The following PCDHGA10 variants were observed in gnomAD, a reference collection of about 807,000 sequenced individuals.
PCDHGA10 encodes protocadherin gamma subfamily A, 10.
A neutral mutation model predicts 59.5 loss-of-function variants in PCDHGA10; 42 were observed. That is an observed-to-expected ratio of 0.71 (90% CI 0.55 to 0.91). The LOEUF (loss-of-function observed/expected upper bound fraction) is 0.91, where lower values mean the gene tolerates loss of function less well. Among genes scored for constraint, PCDHGA10 ranks in the 40% least tolerant of loss-of-function variants. The pLI is 0.00. For synonymous variants in PCDHGA10, 511 were observed against 517.2 expected, an observed-to-expected ratio of 0.99 and a Z score of 0.16; for missense variants, 1,111 against 1,198.2, an observed-to-expected ratio of 0.93 and a Z score of 1.07.
At chr5:141,421,960 C>G in intron 1 of PCDHGA10, 3 of 1,612,526 alleles carry the variant, frequency 1.9e-6, no homozygotes, top group Non-Finnish European at 2.5e-6. Context: ...AATGTTTACA[C>G]AGTCCGTATA....
chr5:141,448,945 A>G (rs1288079348), intron 1 of PCDHGA10, among the ~76,000 whole-genome samples: 1 of 151,716 alleles, frequency 6.6e-6, no homozygotes, highest in Non-Finnish European at 1.5e-5. Context: ...ACTGCAACTC[A>G]AAAAAACAAA....
At position 141,431,368 on chromosome 5, in the gene PCDHGA10, A is replaced by G; in HGVS notation, c.2436+15757A>G. On this transcript the variant is annotated intron_variant, in intron 1 of 3. Coordinates refer to ENST00000398610, the MANE Select transcript of PCDHGA10 (RefSeq NM_018913.3). The surrounding 1 kb of genome is among the most constrained non-coding windows in gnomAD (Gnocchi z 4.8). ...TGCTGAAACGCGCCCTGGACCGCGA[A>G]GAAAAGGCTGCTCACCACCTGGTCC... 1.9e-6 allele frequency: 3 copies of G among 1,614,002 alleles called. No individual in the cohort carries two copies. The highest frequency in any genetic ancestry group is 2.5e-6 in the Non-Finnish European group (3 of 1,180,034).
intron 2 of PCDHGA10, among the ~76,000 whole-genome samples, chr5:141,500,310 G>A (rs1327269551): frequency 6.6e-6 from 1 of 151,740 alleles, no homozygotes; most frequent in Non-Finnish European, 1.5e-5. Flanking sequence ...CCAGGTTCAC[G>A]CCATGCTCCT....
chr5:141,510,141 T>C (rs1596266322), intron 3 of PCDHGA10, among the ~76,000 whole-genome samples: 1 of 152,014 alleles, frequency 6.6e-6, no homozygotes. Flanking sequence ...GGGCTAGTGG[T>C]GTGCACCTGT....
At position 141,486,464 on chromosome 5, in the gene PCDHGA10, G is replaced by A; in HGVS notation, c.2437-8343G>A. The A allele has an allele frequency of 1.2e-6, 2 of 1,614,034 alleles. No homozygotes were observed. Among genetic ancestry groups the A allele is most frequent in the Non-Finnish European group, 1.7e-6 (2 of 1,179,946 alleles). On this transcript the variant is annotated intron_variant, in intron 1 of 3. Transcript: ENST00000398610. This position sits in a 1 kb window ranked among gnomAD's most constrained non-coding sequence, Gnocchi z 5.0. ...CATCATGGTCACTGCTTCTGATGCTGGGAACCCTCCTCTCAGTACCCACAG... is the reference window on the plus strand; with the variant it reads ...CATCATGGTCACTGCTTCTGATGCTAGGAACCCTCCTCTCAGTACCCACAG...
Position 141,490,667 on chromosome 5 carries a change from T to C in PCDHGA10, c.2437-4140T>C, listed in dbSNP as rs906656199. The stretch of plus-strand genomic sequence containing the variant: ...CCTCCGGGCTCCCTTCTTTGCACTG[T>C]GGCTGCCTCAGATCCAGACACTGGG... On this transcript the variant is annotated intron_variant, in intron 1 of 3. Transcript: ENST00000398610. This position sits in a 1 kb window ranked among gnomAD's most constrained non-coding sequence, Gnocchi z 5.4. The C allele has an allele frequency of 6.8e-6, 11 of 1,614,206 alleles. 1 individual carries two copies. The highest frequency in any genetic ancestry group is 4.5e-5 in the East Asian group (2 of 44,876).
At chr5:141,427,695 C>T in intron 1 of PCDHGA10, 1 of 918,214 alleles carries the variant, frequency 1.1e-6, no homozygotes, top group Non-Finnish European at 1.7e-6. Context: ...CTCCATCCCA[C>T]AAGTCAGCGC....
rs186109113 is a variant in PCDHGA10, at chr5:141,415,284, G to C, written c.2109G>C (p.Ala703=). ...LTLYLVVAVA[A]VSCVFLAFVI... ...TGTACCTGGTGGTAGCGGTGGCCGCGGTCTCCTGCGTCTTCCTGGCCTTCG... is the reference window on the plus strand; with the variant it reads ...TGTACCTGGTGGTAGCGGTGGCCGCCGTCTCCTGCGTCTTCCTGGCCTTCG... Residue 703 remains alanine (A), a synonymous_variant, in exon 1 of 4, where the codon GCG becomes GCC. Transcript: ENST00000398610. 4,314 of 1,614,198 alleles carry C rather than the reference G, an allele frequency of 2.7e-3. 11 individuals are homozygous for C. The highest frequency in any genetic ancestry group is 7.3e-3 in the Middle Eastern group (44 of 6,062).
chr5:141,455,593 C>T (rs957677108), intron 1 of PCDHGA10, among the ~76,000 whole-genome samples: 4 of 152,070 alleles, frequency 2.6e-5, no homozygotes, highest in Non-Finnish European at 5.9e-5. Flanking sequence ...AATATGCAAA[C>T]GTAGGGCGCC....
intron 1 of PCDHGA10, among the ~76,000 whole-genome samples, chr5:141,482,866 G>A (rs768388750): frequency 2.7e-5 from 4 of 150,296 alleles, no homozygotes; most frequent in Non-Finnish European, 4.4e-5. Flanking sequence ...GAGGTCAGGA[G>A]TTTGAAACCA....
At chr5:141,437,652 A>T (rs899628392) in intron 1 of PCDHGA10, among the ~76,000 whole-genome samples, 1 of 152,196 alleles carries the variant, frequency 6.6e-6, no homozygotes, top group African/African-American at 2.4e-5. Context: ...AAGCAAACAC[A>T]TAGTTTCGAA....
chr5:141,507,495 G>T (rs375483743), intron 3 of PCDHGA10, among the ~76,000 whole-genome samples: 2 of 152,234 alleles, frequency 1.3e-5, no homozygotes, highest in Non-Finnish European at 2.9e-5. Context: ...AGGCAGAGCT[G>T]TCCCAGGTCT....
chr5:141,433,208 C>CTTT, intron 1 of PCDHGA10: 2 of 1,293,022 alleles, frequency 1.5e-6, no homozygotes, highest in Non-Finnish European at 2.1e-6. Context: ...AATCTTCTTT[C>CTTT]TTTTTTTTTT....
At chr5:141,450,829 A>ATTTTT (rs373424450) in intron 1 of PCDHGA10, among the ~76,000 whole-genome samples, 3 of 135,122 alleles carry the variant, frequency 2.2e-5, no homozygotes, top group Admixed American at 7.6e-5. Flanking sequence ...TATTATTATT[A>ATTTTT]TTTTTTTTTT....
intron 3 of PCDHGA10, 46 bp from the exon 4 acceptor site, chr5:141,510,901 A>G: frequency 1.9e-6 from 3 of 1,613,412 alleles, no homozygotes; most frequent in African/African-American, 2.7e-5. Flanking sequence ...GTGACTGTTG[A>G]GGACCCTAAG....
At position 141,477,177 on chromosome 5, in the gene PCDHGA10, T is replaced by C; in HGVS notation, c.2437-17630T>C. The C allele has an allele frequency of 6.2e-7, 1 of 1,614,160 alleles. No individual in the cohort carries two copies. On this transcript the variant is annotated intron_variant, in intron 1 of 3. Coordinates refer to ENST00000398610, the MANE Select transcript of PCDHGA10 (RefSeq NM_018913.3). This position sits in a 1 kb window ranked among gnomAD's most constrained non-coding sequence, Gnocchi z 4.9. Reference sequence around the variant, plus strand: ...AATGACAACGCCCCGGAGATCACAGTCACCTCCGTGTACAGCCCAGTACCC... The same window carrying C: ...AATGACAACGCCCCGGAGATCACAGCCACCTCCGTGTACAGCCCAGTACCC...
intron 3 of PCDHGA10, among the ~76,000 whole-genome samples, chr5:141,505,729 G>A (rs1026403192): frequency 7.9e-5 from 12 of 152,286 alleles, no homozygotes; most frequent in African/African-American, 2.9e-4. Flanking sequence ...AGGGAATAGT[G>A]GTTACAAGTC....
chr5:141,483,257 T>G, intron 1 of PCDHGA10, among the ~76,000 whole-genome samples: 1 of 137,924 alleles, frequency 7.3e-6, no homozygotes, highest in East Asian at 1.9e-4. Flanking sequence ...ATCATGAGGT[T>G]TTTTTGTTTT....
rs1036223789 is a variant in PCDHGA10, at chr5:141,511,298, G to A, written c.*125G>A. On this transcript the variant is annotated 3_prime_UTR_variant, in exon 4 of 4. Transcript: ENST00000398610. ...GAATACTGGTAGGGGCCAAGGCCAT[G>A]CTCCCCTTGGGAAACAGAAACAAGT... The A allele has an allele frequency of 4.7e-6, 7 of 1,502,412 alleles. No individual in the cohort carries two copies. In the African/African-American group the frequency reaches 8.4e-5, roughly 18 times the overall value. The allele number at this position is 1,502,412 out of a possible 1,614,324, so 93.1% of individuals were successfully genotyped here. A position where few individuals can be genotyped will look rare whatever the true frequency, so the allele number is the denominator to read the frequency against.
Sources: allele counts gnomAD v4.1 joint callset (sites outside exome capture counted in the v4.1 genomes callset), GRCh38; gene constraint gnomAD v4.1.1; non-coding constraint Gnocchi (gnomAD v3.1); transcripts MANE v1.5; gene names NCBI Gene and HGNC (gene_info 2026-07-23, HGNC 2026-07-21).